Variants in VANGL2 observed in about 807,000 individuals in gnomAD.
VANGL2 encodes vang-like protein 2.
In VANGL2, 14 loss-of-function variants were observed where a neutral mutation model predicts 50.2. That is an observed-to-expected ratio of 0.28 (90% confidence interval 0.18 to 0.44). The LOEUF is 0.44. Among genes scored for constraint, VANGL2 ranks in the 20% least tolerant of loss-of-function variants. The pLI is 1.00. For missense variants in VANGL2, 533 were observed against 701.5 expected, an observed-to-expected ratio of 0.76 and a Z score of 2.71; for synonymous variants, 295 against 297.2, an observed-to-expected ratio of 0.99 and a Z score of 0.08.
At chr1:160,424,328 CTCT>C (rs1651375632) in intron 7 of VANGL2, 45 bp downstream of exon 7, 1 of 1,570,172 alleles carries the variant, frequency 6.4e-7, no homozygotes, top group Non-Finnish European at 8.7e-7. Context: ...TCCCCAGCTC[CTCT>C]TCTTTCCCAC....
In VANGL2 at chr1:160,424,250, T is replaced by G. The variant is rs777035996; in HGVS notation, c.1272T>G (p.Leu424=). ...YHTMESILQH[L]EFCITHDMTP... is the part of the protein sequence containing the mutation. ...CCATGGAGAGCATCCTGCAGCACCT[T>G]GAATTCTGCATCACGCATGACATGA... The change falls in exon 7 of 8, where the codon CTT becomes CTG. Residue 424 remains leucine (L), a synonymous_variant. Transcript: ENST00000368061. 1 of 1,614,208 alleles carries G rather than the reference T, an allele frequency of 6.2e-7. No individual in the cohort carries two copies. The highest frequency in any genetic ancestry group is 8.5e-7 in the Non-Finnish European group (1 of 1,180,036).
At chr1:160,415,988 A>G in intron 2 of VANGL2, 74 bp from the exon 3 acceptor site, 1 of 1,614,094 alleles carries the variant, frequency 6.2e-7, no homozygotes, top group Non-Finnish European at 8.5e-7. Flanking sequence ...CAGGGGTGGT[A>G]GGGTAGAGTG....
intron 1 of VANGL2, among the ~76,000 whole-genome samples, chr1:160,405,159 C>G (rs1290500747): frequency 2.0e-5 from 3 of 152,188 alleles, no homozygotes; most frequent in Non-Finnish European, 2.9e-5. Context: ...TCTCCCTGTT[C>G]ACTTGACATC....
At chr1:160,407,014 C>G (rs1329184600) in intron 1 of VANGL2, among the ~76,000 whole-genome samples, 1 of 152,188 alleles carries the variant, frequency 6.6e-6, no homozygotes, top group African/African-American at 2.4e-5. Context: ...AGGCGTGAGC[C>G]ACCACGCCCG....
chr1:160,420,987 C>T, intron 5 of VANGL2, 65 bp from the exon 6 acceptor site: 3 of 1,605,326 alleles, frequency 1.9e-6, no homozygotes, highest in South Asian at 1.1e-5. Flanking sequence ...GTCTCCAGAG[C>T]TCCTGGAGTG....
chr1:160,401,621 G>C (rs1436073734), intron 1 of VANGL2, among the ~76,000 whole-genome samples: 1 of 152,056 alleles, frequency 6.6e-6, no homozygotes, highest in Admixed American at 6.5e-5. Flanking sequence ...TGGTTTGGAT[G>C]TGTAGGTGTT....
chr1:160,410,982 G>A (rs1158041622), intron 1 of VANGL2, among the ~76,000 whole-genome samples: 1 of 152,060 alleles, frequency 6.6e-6, no homozygotes, highest in Non-Finnish European at 1.5e-5. Flanking sequence ...GATCAATGTG[G>A]GAGAAGCTGG....
intron 3 of VANGL2, among the ~76,000 whole-genome samples, chr1:160,417,346 G>A (rs943491348): frequency 2.6e-5 from 4 of 152,162 alleles, no homozygotes; most frequent in African/African-American, 7.2e-5. Context: ...TCCCAGGAGC[G>A]AAGGGTGGGT....
At chr1:160,420,227 C>G (rs1651218734) in intron 4 of VANGL2, among the ~76,000 whole-genome samples, 184 bp from the exon 5 acceptor site, 2 of 152,048 alleles carry the variant, frequency 1.3e-5, no homozygotes, top group African/African-American at 4.8e-5. Context: ...ACTGGCAGGC[C>G]CAGCCCTGGG....
intron 3 of VANGL2, 53 bp downstream of exon 3, chr1:160,416,235 A>G (rs1225703123): frequency 1.2e-6 from 2 of 1,612,326 alleles, no homozygotes; most frequent in Non-Finnish European, 1.7e-6. Flanking sequence ...ACTGCTCCTG[A>G]GGGGCTGGAG....
In VANGL2 at chr1:160,425,309, C is replaced by G. The variant is rs768453644; in HGVS notation, c.1497C>G (p.Leu499=). 6.2e-7 allele frequency: 1 copy of G among 1,613,634 alleles called. No individual in the cohort carries two copies. The highest frequency in any genetic ancestry group is 1.7e-5 in the Admixed American group (1 of 59,932). Residue 499 remains leucine (L), a synonymous_variant, in exon 8 of 8, where the codon CTC becomes CTG. Transcript: ENST00000368061. ...CCAAGAAGGTCCCATTCTTCAAACT[C>G]TCCGAGGAATTTGTGGATCCCAAGT... ...VSTKKVPFFK[L]SEEFVDPKSH...
Position 160,419,353 on chromosome 1 carries a change from C to T in VANGL2, c.544C>T (p.Arg182Cys). The T allele has an allele frequency of 1.2e-6, 2 of 1,611,712 alleles. No homozygotes were observed. The highest frequency in any genetic ancestry group is 1.7e-6 in the Non-Finnish European group (2 of 1,180,018). ...CTCGCTGCCCCGCGTCTTTGTGCTG[C>T]GTGCCCTGCTTATGGTGCTGGTTTT... ...KASLPRVFVL[R>C]ALLMVLVFLL... Residue 182 changes from arginine to cysteine, a missense_variant, in exon 4 of 8, where the codon CGT becomes TGT. Arg to Cys is a radical substitution (Grantham distance 180). Transcript: ENST00000368061. This position sits in a 1 kb window ranked among gnomAD's most constrained non-coding sequence, Gnocchi z 5.8.
At chr1:160,418,950 CTCT>C in intron 3 of VANGL2, 49 bp from the exon 4 acceptor site, 1 of 1,560,320 alleles carries the variant, frequency 6.4e-7, no homozygotes, top group Non-Finnish European at 8.7e-7. Context: ...CCTCCTCTTC[CTCT>C]TCTTATCCTT....
At chr1:160,420,259 G>A in intron 4 of VANGL2, 152 bp from the exon 5 acceptor site, 1 of 987,216 alleles carries the variant, frequency 1.0e-6, no homozygotes, top group Non-Finnish European at 1.5e-6. Context: ...AGCCTGGTAA[G>A]TAGACCTCAG....
Position 160,425,706 on chromosome 1 carries a change from G to A in VANGL2, c.*328G>A, listed in dbSNP as rs1651430155. 2 of 264,014 alleles carry A rather than the reference G, an allele frequency of 7.6e-6. No homozygotes were observed. The highest frequency in any genetic ancestry group is 2.2e-5 in the African/African-American group (1 of 45,496). 16.4% of individuals were successfully genotyped at this position (264,014 alleles called of 1,614,324 possible). A position where few individuals can be genotyped will look rare whatever the true frequency, so the allele number is the denominator to read the frequency against. On this transcript the variant is annotated 3_prime_UTR_variant, in exon 8 of 8. Coordinates refer to ENST00000368061, the MANE Select transcript of VANGL2 (RefSeq NM_020335.3). ...TCCCAGATTACAGTCTCTCCTGAAA[G>A]GGCACAGGGCCCTGCTGATTGTACT...
intron 1 of VANGL2, among the ~76,000 whole-genome samples, chr1:160,404,097 T>G (rs1345908248): frequency 6.6e-6 from 1 of 152,214 alleles, no homozygotes; most frequent in East Asian, 1.9e-4. Context: ...GGGATAATCA[T>G]CATTAAGGGA....
Position 160,420,609 on chromosome 1 carries a change from CCT to C in VANGL2, c.937+67_937+68del. On this transcript the variant is annotated intron_variant, in intron 5 of 7. Transcript: ENST00000368061. ...TCCCAAGCAGGACTCCAAGTTCCCG[CCT>C]CTCTTTTACCCTTTGTCCCTTGCTT... 1.2e-5 allele frequency: 20 copies of C among 1,612,326 alleles called. No individual in the cohort carries two copies. The South Asian group carries it at 2.2e-4, about 18-fold the overall frequency.
chr1:160,422,529 A>C (rs1485587905), intron 6 of VANGL2, among the ~76,000 whole-genome samples: 2 of 150,874 alleles, frequency 1.3e-5, no homozygotes, highest in African/African-American at 4.9e-5. Flanking sequence ...CCACACCTAT[A>C]TACCCAGAGT....
chr1:160,413,102 A>G (rs1650938526), intron 1 of VANGL2, among the ~76,000 whole-genome samples: 1 of 152,204 alleles, frequency 6.6e-6, no homozygotes, highest in South Asian at 2.1e-4. Context: ...CTCAGAAAGT[A>G]TCCCTGTGGT....
Sources: allele counts gnomAD v4.1 joint callset (sites outside exome capture counted in the v4.1 genomes callset), GRCh38; gene constraint gnomAD v4.1.1; non-coding constraint Gnocchi (gnomAD v3.1); transcripts MANE v1.5; gene names NCBI Gene and HGNC (gene_info 2026-07-23, HGNC 2026-07-21).